FREM1: variants seen among roughly 807,000 people sequenced by gnomAD.
FREM1 encodes FRAS1 related extracellular matrix 1, also known as FRAS1-related extracellular matrix protein 1.
Under a neutral mutation model 210.1 loss-of-function variants are expected in FREM1, and 220 were observed. The observed-to-expected ratio is 1.05, with a 90% CI of 0.94 to 1.17. The LOEUF (loss-of-function observed/expected upper bound fraction) is 1.17, where lower values mean the gene tolerates loss of function less well. Among genes scored for constraint, FREM1 ranks in the 50% most tolerant of loss-of-function variants. The probability of loss-of-function intolerance (pLI) is 0.00; values close to 1 mark genes in which losing one functional copy is unlikely to be tolerated. For synonymous variants in FREM1, 1,189 were observed against 980.2 expected (o/e 1.21, Z -3.98); for missense variants, 3,454 against 2,675.5 (o/e 1.29, Z -6.42).
intron 27 of FREM1, among the ~76,000 whole-genome samples, chr9:14,762,848 G>A (rs1292218717): frequency 6.7e-6 from 1 of 149,926 alleles, no homozygotes; most frequent in East Asian, 2.0e-4. Flanking sequence ...CAAACACCTG[G>A]AAGAAAAATA....
intron 5 of FREM1, 125 bp downstream of exon 5, chr9:14,857,428 C>A (rs2131521452): frequency 4.8e-6 from 4 of 831,926 alleles, no homozygotes; most frequent in Non-Finnish European, 8.5e-6. Context: ...CAATGAGTCG[C>A]TGGCAGTTTT....
Position 14,819,227 on chromosome 9 carries a change from T to C in FREM1, c.2546+7A>G, listed in dbSNP as rs1336096653. 1.3e-5 allele frequency: 20 copies of C among 1,593,226 alleles called. No homozygotes were observed. Among genetic ancestry groups the C allele is most frequent in the Non-Finnish European group, 1.7e-5 (20 of 1,166,028 alleles). ...ATGTAAATAAAAAAACCATGAAATG[T>C]TCTAACCTAACTTTTAAGGTATGGA... is the stretch of plus-strand genomic sequence containing the variant. On this transcript the variant is annotated splice_region_variant and intron_variant, in intron 14 of 36. Transcript: ENST00000380880.
At chr9:14,876,115 G>A (rs750905832) in intron 1 of FREM1, among the ~76,000 whole-genome samples, 2,648 of 151,318 alleles carry the variant, frequency 0.017, 40 homozygotes, top group Non-Finnish European at 0.027. Context: ...TAGGCTGCTC[G>A]GGGGTCAGGG....
chr9:14,797,671 C>T, intron 20 of FREM1, 29 bp from the exon 21 acceptor site: 2 of 1,585,168 alleles, frequency 1.3e-6, no homozygotes, highest in Non-Finnish European at 8.6e-7. Context: ...ATAAGTAAAT[C>T]TTCCTTATGA....
chr9:14,787,380 C>T (rs1377856456), intron 23 of FREM1, among the ~76,000 whole-genome samples: 1 of 152,138 alleles, frequency 6.6e-6, no homozygotes, highest in Non-Finnish European at 1.5e-5. Context: ...TGTGTCTACT[C>T]GGTATAGGTT....
chr9:14,746,498 T>C, intron 34 of FREM1, 30 bp from the exon 35 acceptor site: 2 of 1,541,548 alleles, frequency 1.3e-6, no homozygotes, highest in Non-Finnish European at 1.8e-6. Context: ...GTTCATATCA[T>C]AATGGTCTTT....
chr9:14,859,647 C>T (rs1829442303), intron 3 of FREM1, among the ~76,000 whole-genome samples, 163 bp from the exon 4 acceptor site: 1 of 152,058 alleles, frequency 6.6e-6, no homozygotes, highest in Admixed American at 6.5e-5. Flanking sequence ...TGTTCTTTTC[C>T]CTTCATCTCT....
chr9:14,876,854 GA>G (rs1833855569), intron 1 of FREM1, among the ~76,000 whole-genome samples: 1 of 152,110 alleles, frequency 6.6e-6, no homozygotes, highest in Non-Finnish European at 1.5e-5. Context: ...GTTGAACTTT[GA>G]CAAGATACAA....
chr9:14,835,552 C>T (rs927123013), intron 10 of FREM1, among the ~76,000 whole-genome samples: 1 of 152,150 alleles, frequency 6.6e-6, no homozygotes, highest in African/African-American at 2.4e-5. Context: ...AACCTGTGGT[C>T]AGTGAAGAAT....
Position 14,808,075 on chromosome 9 carries a change from C to T in FREM1, c.2953G>A (p.Glu985Lys). The change falls in exon 17 of 37, where the codon GAG becomes AAG. Residue 985 changes from glutamate to lysine, a missense_variant. Coordinates refer to ENST00000380880, the MANE Select transcript of FREM1 (RefSeq NM_001379081.2). The part of the protein sequence containing the change: ...DTITLVVSDG[E>K]AGPFVNGCCY... ...CAGCCATTCACAAAAGGGCCAGCCT[C>T]TCCATCCGAAACCACCAATGTAATG... The T allele has an allele frequency of 6.2e-7, 1 of 1,613,498 alleles. No homozygotes were observed.
At position 14,770,782 on chromosome 9, in the gene FREM1, G is replaced by A. The variant is rs780384100; in HGVS notation, c.4882C>T (p.Pro1628Ser). The A allele has an allele frequency of 6.2e-7, 1 of 1,612,560 alleles. No homozygotes were observed. The highest frequency in any genetic ancestry group is 1.3e-5 in the African/African-American group (1 of 74,854). ...IQVDQLDKTA[P>S]RITLLHSPSQ... ...GGGGAATGCAAGAGTGTGATACGAGGAGCTGTTTTGTCCAATTGGTCTACC... is the reference window on the plus strand; with the variant it reads ...GGGGAATGCAAGAGTGTGATACGAGAAGCTGTTTTGTCCAATTGGTCTACC... Residue 1628 changes from proline to serine, a missense_variant, in exon 26 of 37, where the codon CCT (proline) becomes TCT (serine). Pro to Ser is a moderately conservative substitution (Grantham distance 74, BLOSUM62 -1). Coordinates refer to ENST00000380880, the MANE Select transcript of FREM1 (RefSeq NM_001379081.2).
intron 15 of FREM1, among the ~76,000 whole-genome samples, chr9:14,815,679 G>A (rs983537704): frequency 2.6e-5 from 4 of 151,988 alleles, no homozygotes; most frequent in Admixed American, 6.6e-5. Flanking sequence ...TCAGAGTCTC[G>A]CTCTGTTGCC....
intron 25 of FREM1, among the ~76,000 whole-genome samples, chr9:14,771,997 T>C (rs971152073): frequency 6.6e-6 from 1 of 152,098 alleles, no homozygotes; most frequent in African/African-American, 2.4e-5. Context: ...TTTGCACAAA[T>C]GTGTTCATTT....
At chr9:14,796,696 G>A (rs1852458794) in intron 21 of FREM1, among the ~76,000 whole-genome samples, 1 of 152,040 alleles carries the variant, frequency 6.6e-6, no homozygotes, top group Admixed American at 6.5e-5. Flanking sequence ...TTTTATAAGG[G>A]GCTTTCCCCT....
At chr9:14,897,767 A>T (rs891037939) in intron 1 of FREM1, among the ~76,000 whole-genome samples, 38 of 151,962 alleles carry the variant, frequency 2.5e-4, no homozygotes, top group East Asian at 1.9e-4. Context: ...ATTTAAAAAA[A>T]TTTTTTTGTA....
chr9:14,761,954 T>C (rs866421518), intron 27 of FREM1, among the ~76,000 whole-genome samples: 1 of 152,226 alleles, frequency 6.6e-6, no homozygotes, highest in Admixed American at 6.5e-5. Flanking sequence ...TGTGCCTAGC[T>C]TGTACATTAA....
intron 14 of FREM1, among the ~76,000 whole-genome samples, chr9:14,818,036 C>T (rs76462599): frequency 6.6e-6 from 1 of 152,318 alleles, no homozygotes; most frequent in African/African-American, 2.4e-5. Flanking sequence ...CATATACTAG[C>T]TGAATGAACT....
In FREM1 at chr9:14,868,903, G is replaced by A. The variant is rs1832062637; in HGVS notation, c.75C>T (p.Phe25=). The stretch of plus-strand genomic sequence containing the variant: ...CCCTCACCCCGCGGTTGATGCTGAT[G>A]AAGGTGGGGCTGGCCCAGGCCAGGA... ...LLLLAWASPT[F]ISINRGVRVM... is the part of the protein sequence containing the mutation. Residue 25 remains phenylalanine, a synonymous_variant, in exon 2 of 37, where the codon TTC becomes TTT. Transcript: ENST00000380880. The A allele has an allele frequency of 6.2e-7, 1 of 1,606,356 alleles. No homozygotes were observed. The highest frequency in any genetic ancestry group is 8.5e-7 in the Non-Finnish European group (1 of 1,176,718).
rs571312152 is a variant in FREM1, at chr9:14,894,564, G to A, written c.-268+15350C>T. Among the ~76,000 whole-genome samples the A allele has an allele frequency of 2.0e-5, 3 of 152,338 alleles. No individual in the cohort carries two copies. In the South Asian group the frequency reaches 6.2e-4, roughly 32 times the overall value. ...ATGTTCACAAATATCAAGCAGGACA[G>A]GAGTTAACTGCATGGACTGAACTAA... is the stretch of plus-strand genomic sequence containing the variant. On this transcript the variant is annotated intron_variant, in intron 1 of 36. Transcript: ENST00000380880.
Sources: allele counts gnomAD v4.1 joint callset (sites outside exome capture counted in the v4.1 genomes callset), GRCh38; gene constraint gnomAD v4.1.1; transcripts MANE v1.5; gene names NCBI Gene and HGNC (gene_info 2026-07-23, HGNC 2026-07-21).